SSH2: variants seen among roughly 807,000 people sequenced by gnomAD.
SSH2 encodes the protein slingshot protein phosphatase 2, also known as protein phosphatase Slingshot homolog 2.
SSH2 carries 37 observed loss-of-function variants against 135.2 expected under a neutral mutation model. The ratio of observed to expected loss-of-function variants is 0.27; its 90% CI spans 0.21 to 0.36. SSH2 has a LOEUF of 0.36. Among genes scored for constraint, SSH2 ranks in the 10% least tolerant of loss-of-function variants. The pLI, the probability that SSH2 is intolerant of heterozygous loss-of-function variation, is 1.00. For synonymous variants in SSH2, 628 were observed against 646.2 expected, an observed-to-expected ratio of 0.97 and a Z score of 0.43; for missense variants, 1,408 against 1,765.3, an observed-to-expected ratio of 0.80 and a Z score of 3.63.
chr17:29,769,839 A>G (rs751113588), intron 3 of SSH2, among the ~76,000 whole-genome samples: 1 of 152,174 alleles, frequency 6.6e-6, no homozygotes, highest in Non-Finnish European at 1.5e-5. Flanking sequence ...GCCAGGCACT[A>G]TGTTACATGC....
chr17:29,663,821 T>C (rs2037154914), intron 11 of SSH2, among the ~76,000 whole-genome samples: 1 of 152,212 alleles, frequency 6.6e-6, no homozygotes, highest in Non-Finnish European at 1.5e-5. Context: ...TATTGTAAAC[T>C]ATGGACTTTA....
At chr17:29,832,099 C>G (rs1357558557) in intron 2 of SSH2, among the ~76,000 whole-genome samples, 2 of 152,158 alleles carry the variant, frequency 1.3e-5, no homozygotes, top group Non-Finnish European at 2.9e-5. Flanking sequence ...AATCATTTTA[C>G]TTATAAATCT....
Position 29,630,346 on chromosome 17 carries a change from T to C in SSH2, c.*495A>G, listed in dbSNP as rs2035615637. 6.6e-6 allele frequency: 1 copy of C among 152,512 alleles called. No homozygotes were observed. Among genetic ancestry groups the C allele is most frequent in the Non-Finnish European group, 1.5e-5 (1 of 68,312 alleles). The allele number at this position is 152,512 out of a possible 1,614,324, so 9.4% of individuals were successfully genotyped here. A position where few individuals can be genotyped will look rare whatever the true frequency, so the allele number is the denominator to read the frequency against. On this transcript the variant is annotated 3_prime_UTR_variant, in exon 16 of 16. Coordinates refer to ENST00000540801, the MANE Select transcript of SSH2 (RefSeq NM_001282129.2). ...GGAACTCTAAAGGGCTGCGGCTGGATGAAGGCTGAGAGCCCTCTGACTTCT... is the reference window on the plus strand; with the variant it reads ...GGAACTCTAAAGGGCTGCGGCTGGACGAAGGCTGAGAGCCCTCTGACTTCT...
intron 14 of SSH2, chr17:29,644,822 A>ATAAG (rs1430624509): frequency 6.6e-6 from 1 of 151,982 alleles, no homozygotes; most frequent in African/African-American, 2.4e-5. Flanking sequence ...AAATAAATAA[A>ATAAG]TAAATAAATA....
At chr17:29,719,662 A>T (rs185989827) in intron 3 of SSH2, among the ~76,000 whole-genome samples, 90 of 152,252 alleles carry the variant, frequency 5.9e-4, no homozygotes, top group Non-Finnish European at 8.4e-4. Flanking sequence ...CCCATTTCAC[A>T]GATGAGAAAA....
intron 2 of SSH2, among the ~76,000 whole-genome samples, chr17:29,837,121 G>C (rs2042955474): frequency 6.6e-6 from 1 of 152,106 alleles, no homozygotes; most frequent in Admixed American, 6.6e-5. Flanking sequence ...GCCAGGTGTG[G>C]TGGCAAGCAC....
At chr17:29,701,386 C>T (rs538429514) in intron 4 of SSH2, among the ~76,000 whole-genome samples, 111 of 144,270 alleles carry the variant, frequency 7.7e-4, no homozygotes, top group African/African-American at 2.7e-3. Flanking sequence ...GGATCATAGG[C>T]GCGAGCCGTG....
intron 1 of SSH2, among the ~76,000 whole-genome samples, chr17:29,875,288 T>G (rs2066008018): frequency 6.6e-6 from 1 of 152,142 alleles, no homozygotes; most frequent in African/African-American, 2.4e-5. Context: ...TACACCTCAG[T>G]TTCTCTAATC....
At chr17:29,736,121 TA>T (rs2040355738) in intron 3 of SSH2, among the ~76,000 whole-genome samples, 2 of 151,932 alleles carry the variant, frequency 1.3e-5, no homozygotes, top group South Asian at 4.1e-4. Context: ...AAAAATTCTA[TA>T]TTACAAAGAT....
chr17:29,886,756 A>AG (rs965582295), intron 1 of SSH2, among the ~76,000 whole-genome samples: 1 of 152,004 alleles, frequency 6.6e-6, no homozygotes, highest in African/African-American at 2.4e-5. Context: ...CAAAAAAAAA[A>AG]AAAAAAAAAG....
At chr17:29,705,202 C>T (rs1283096757) in intron 3 of SSH2, among the ~76,000 whole-genome samples, 1 of 152,136 alleles carries the variant, frequency 6.6e-6, no homozygotes, top group Non-Finnish European at 1.5e-5. Flanking sequence ...TTGAACCTGC[C>T]CACTTATCCC....
intron 3 of SSH2, among the ~76,000 whole-genome samples, chr17:29,725,218 G>A (rs2039959599): frequency 6.6e-6 from 1 of 151,342 alleles, no homozygotes; most frequent in South Asian, 2.1e-4. Flanking sequence ...ATGGTGGTGC[G>A]TGCCTGTAGT....
chr17:29,814,432 C>CAAAAAAAA (rs1179862061), intron 2 of SSH2, among the ~76,000 whole-genome samples: 1 of 39,104 alleles, frequency 2.6e-5, no homozygotes, highest in African/African-American at 1.1e-4. Flanking sequence ...GACTCTGTCT[C>CAAAAAAAA]AAAAAAAAAA....
At chr17:29,797,322 C>G (rs1007093873) in intron 2 of SSH2, among the ~76,000 whole-genome samples, 1 of 152,134 alleles carries the variant, frequency 6.6e-6, no homozygotes, top group South Asian at 2.1e-4. Flanking sequence ...TGAGGCAACC[C>G]TGTTCTGGTT....
At chr17:29,669,101 T>G (rs1385398683) in intron 9 of SSH2, among the ~76,000 whole-genome samples, 1 of 151,552 alleles carries the variant, frequency 6.6e-6, no homozygotes, top group African/African-American at 2.4e-5. Flanking sequence ...ATACAAAAAT[T>G]AGCCGGGCAT....
intron 2 of SSH2, among the ~76,000 whole-genome samples, chr17:29,800,922 G>A (rs1471495905): frequency 6.6e-6 from 1 of 150,680 alleles, no homozygotes; most frequent in African/African-American, 2.4e-5. Context: ...CTGGAGTGCA[G>A]TGGTGCGATC....
At chr17:29,813,254 G>A (rs2042480669) in intron 2 of SSH2, among the ~76,000 whole-genome samples, 1 of 151,818 alleles carries the variant, frequency 6.6e-6, no homozygotes, top group Non-Finnish European at 1.5e-5. Flanking sequence ...GCAGTGGTGA[G>A]CGCCTGTAAT....
At chr17:29,707,941 C>A (rs761254004) in intron 3 of SSH2, among the ~76,000 whole-genome samples, 1 of 151,854 alleles carries the variant, frequency 6.6e-6, no homozygotes, top group African/African-American at 2.4e-5. Context: ...AGGTTATGAC[C>A]CCTCAGTTAT....
chr17:29,909,904 G>T (rs985227979), intron 1 of SSH2, among the ~76,000 whole-genome samples: 1 of 152,082 alleles, frequency 6.6e-6, no homozygotes. Flanking sequence ...TTGAACAAAA[G>T]CATATTACTA....
Sources: gnomAD v4.1 joint callset for allele counts (sites outside exome capture counted in the v4.1 genomes callset) on GRCh38, gnomAD v4.1.1 for gene constraint, MANE v1.5 for transcripts, NCBI Gene and HGNC (gene_info 2026-07-23, HGNC 2026-07-21) for gene names.